The following CPNE8 variants were observed in gnomAD, a reference collection of about 807,000 sequenced individuals.
The protein encoded by CPNE8 is copine 8.
CPNE8 carries 45 observed loss-of-function variants against 81.5 expected under a neutral mutation model. That is an observed-to-expected ratio of 0.55 (90% CI 0.44 to 0.71). The LOEUF (loss-of-function observed/expected upper bound fraction) is 0.71. Among genes scored for constraint, CPNE8 ranks in the 30% least tolerant of loss-of-function variants. The probability of loss-of-function intolerance (pLI) is 0.00; values close to 1 mark genes in which losing one functional copy is unlikely to be tolerated. For missense variants in CPNE8, 594 were observed against 672.1 expected (o/e 0.88, Z 1.28); for synonymous variants, 252 against 226.3 (o/e 1.11, Z -1.02).
chr12:38,903,245 T>C (rs957025112), intron 1 of CPNE8, among the ~76,000 whole-genome samples: 1 of 152,146 alleles, frequency 6.6e-6, no homozygotes, highest in Non-Finnish European at 1.5e-5. Flanking sequence ...GTAAGCTGAG[T>C]CAGAAGCAAC....
At chr12:38,840,981 C>T (rs1198366765) in intron 4 of CPNE8, among the ~76,000 whole-genome samples, 2 of 152,228 alleles carry the variant, frequency 1.3e-5, no homozygotes. Context: ...TGTGAATAAC[C>T]TCCTACCAAA....
chr12:38,880,552 C>T (rs2137120276), intron 1 of CPNE8, among the ~76,000 whole-genome samples: 1 of 152,286 alleles, frequency 6.6e-6, no homozygotes, highest in Non-Finnish European at 1.5e-5. Flanking sequence ...AGCCCCGTGT[C>T]ACTGAACCAT....
At chr12:38,711,087 G>A (rs904401423) in intron 13 of CPNE8, among the ~76,000 whole-genome samples, 3 of 152,126 alleles carry the variant, frequency 2.0e-5, no homozygotes, top group South Asian at 2.1e-4. Context: ...TCTAAGTTTC[G>A]AAGAAAAGTT....
intron 15 of CPNE8, among the ~76,000 whole-genome samples, chr12:38,690,612 G>C (rs1334096957): frequency 6.6e-6 from 1 of 152,072 alleles, no homozygotes; most frequent in Non-Finnish European, 1.5e-5. Flanking sequence ...TTCCTTAGCA[G>C]TAGATACTTG....
chr12:38,725,169 G>A (rs1179373410), intron 11 of CPNE8, among the ~76,000 whole-genome samples: 1 of 152,154 alleles, frequency 6.6e-6, no homozygotes, highest in African/African-American at 2.4e-5. Flanking sequence ...TTCTTGATAT[G>A]ATAGAGACCT....
chr12:38,797,456 C>A (rs910098614), intron 6 of CPNE8, among the ~76,000 whole-genome samples: 1 of 152,196 alleles, frequency 6.6e-6, no homozygotes, highest in Non-Finnish European at 1.5e-5. Flanking sequence ...AGTGGACCTC[C>A]AGCAAACTCC....
chr12:38,828,876 A>G (rs1333290350), intron 6 of CPNE8, among the ~76,000 whole-genome samples: 4 of 152,158 alleles, frequency 2.6e-5, no homozygotes, highest in Non-Finnish European at 1.5e-5. Context: ...AAAACTAAAC[A>G]TGATCCTAGT....
At chr12:38,813,004 T>C (rs954294014) in intron 6 of CPNE8, among the ~76,000 whole-genome samples, 1 of 152,186 alleles carries the variant, frequency 6.6e-6, no homozygotes, top group African/African-American at 2.4e-5. Flanking sequence ...AGATACATTG[T>C]TGTGAGAATA....
intron 19 of CPNE8, among the ~76,000 whole-genome samples, chr12:38,664,954 G>T (rs1443258311): frequency 6.6e-6 from 1 of 151,830 alleles, no homozygotes; most frequent in Non-Finnish European, 1.5e-5. Flanking sequence ...TTTGGAGTAG[G>T]ATTAAAAAAA....
chr12:38,682,541 G>C (rs919030907), intron 16 of CPNE8, among the ~76,000 whole-genome samples: 1 of 152,196 alleles, frequency 6.6e-6, no homozygotes, highest in Non-Finnish European at 1.5e-5. Flanking sequence ...CTGGGCGACA[G>C]AGCAAACAAA....
At chr12:38,809,669 C>T (rs796909393) in intron 6 of CPNE8, among the ~76,000 whole-genome samples, 12 of 152,224 alleles carry the variant, frequency 7.9e-5, no homozygotes, top group African/African-American at 2.6e-4. Flanking sequence ...TGCCCAGGTC[C>T]CTGAAGATCT....
At chr12:38,765,568 A>C (rs1330675813) in intron 8 of CPNE8, among the ~76,000 whole-genome samples, 1 of 152,152 alleles carries the variant, frequency 6.6e-6, no homozygotes, top group Non-Finnish European at 1.5e-5. Flanking sequence ...CCATATTAAA[A>C]AAATATTTAA....
intron 7 of CPNE8, among the ~76,000 whole-genome samples, chr12:38,769,364 C>T (rs1266697776): frequency 6.6e-6 from 1 of 152,096 alleles, no homozygotes; most frequent in Non-Finnish European, 1.5e-5. Flanking sequence ...ACCTCTCAAG[C>T]ATATCATGTT....
At chr12:38,768,329 G>A (rs967440330) in intron 7 of CPNE8, among the ~76,000 whole-genome samples, 2 of 151,958 alleles carry the variant, frequency 1.3e-5, no homozygotes, top group Non-Finnish European at 2.9e-5. Flanking sequence ...CAATTTGCAT[G>A]TTAATTATTA....
At chr12:38,695,732 A>G (rs765325203) in intron 14 of CPNE8, among the ~76,000 whole-genome samples, 3 of 152,174 alleles carry the variant, frequency 2.0e-5, no homozygotes, top group Non-Finnish European at 4.4e-5. Context: ...TGAGCCCAGG[A>G]GTTTGCAACC....
chr12:38,841,471 G>T (rs772011576), intron 4 of CPNE8, among the ~76,000 whole-genome samples: 2 of 152,130 alleles, frequency 1.3e-5, no homozygotes, highest in Admixed American at 6.6e-5. Flanking sequence ...TAAACTAATT[G>T]TAAGACATTT....
intron 6 of CPNE8, among the ~76,000 whole-genome samples, chr12:38,790,795 C>A (rs1942305194): frequency 6.6e-6 from 1 of 151,604 alleles, no homozygotes; most frequent in African/African-American, 2.4e-5. Context: ...AAATCGAGCA[C>A]ATGAAGAATA....
intron 4 of CPNE8, among the ~76,000 whole-genome samples, chr12:38,842,826 C>T (rs932573917): frequency 6.6e-6 from 1 of 152,002 alleles, no homozygotes; most frequent in South Asian, 2.1e-4. Context: ...AATCCGCCCC[C>T]CTCAGCCTCC....
At chr12:38,857,999 A>G (rs1442561970) in intron 3 of CPNE8, among the ~76,000 whole-genome samples, 1 of 152,274 alleles carries the variant, frequency 6.6e-6, no homozygotes, top group African/African-American at 2.4e-5. Flanking sequence ...ACATGTAATT[A>G]CAAGTACATT....
Sources: gnomAD v4.1 joint callset for allele counts (sites outside exome capture counted in the v4.1 genomes callset) on GRCh38, gnomAD v4.1.1 for gene constraint, MANE v1.5 for transcripts, NCBI Gene and HGNC (gene_info 2026-07-23, HGNC 2026-07-21) for gene names.